Variants in CALCR observed in about 807,000 individuals in gnomAD.
The protein encoded by CALCR is calcitonin receptor.
Under a neutral mutation model 59.5 loss-of-function variants are expected in CALCR, and 47 were observed. That is an observed-to-expected ratio of 0.79 (90% CI 0.63 to 1.01). The LOEUF is 1.01. Ranked by LOEUF, CALCR falls within the 50% of genes least tolerant of loss-of-function variation. The pLI is 0.00. For missense variants in CALCR, 566 were observed against 597.1 expected (o/e 0.95, Z 0.54); for synonymous variants, 213 against 211.3 (o/e 1.01, Z -0.07).
intron 8 of CALCR, among the ~76,000 whole-genome samples, chr7:93,444,479 G>A (rs767261144): frequency 2.6e-5 from 4 of 152,116 alleles, no homozygotes; most frequent in Non-Finnish European, 4.4e-5. Context: ...CCTGGAATAG[G>A]ATTTTTCATC....
At chr7:93,473,798 G>A (rs758581040) in intron 5 of CALCR, among the ~76,000 whole-genome samples, 18 of 151,596 alleles carry the variant, frequency 1.2e-4, no homozygotes, top group Middle Eastern at 6.3e-3. Flanking sequence ...GCTTTGTGGT[G>A]TCTGCTGGTT....
intron 2 of CALCR, among the ~76,000 whole-genome samples, chr7:93,568,209 C>T (rs911447047): frequency 5.3e-5 from 8 of 152,200 alleles, no homozygotes; most frequent in African/African-American, 9.6e-5. Context: ...GGGGATTAAA[C>T]GCTGTCCAGG....
intron 8 of CALCR, among the ~76,000 whole-genome samples, chr7:93,446,245 T>C (rs1800004475): frequency 6.6e-6 from 1 of 152,032 alleles, no homozygotes; most frequent in Non-Finnish European, 1.5e-5. Context: ...ATCACCAGTC[T>C]ATTCATTTTT....
chr7:93,514,383 T>C (rs551958109), intron 2 of CALCR, among the ~76,000 whole-genome samples: 67 of 152,170 alleles, frequency 4.4e-4, no homozygotes, highest in Admixed American at 3.7e-3. Flanking sequence ...AGGGCTAATA[T>C]TGAGCTCTAA....
chr7:93,549,161 C>T (rs2116220313), intron 2 of CALCR, among the ~76,000 whole-genome samples: 2 of 152,192 alleles, frequency 1.3e-5, no homozygotes, highest in South Asian at 4.2e-4. Flanking sequence ...TTTGTGACTT[C>T]ATGTTCTCAT....
At position 93,445,125 on chromosome 7, in the gene CALCR, A is replaced by C. The variant is rs527309308; in HGVS notation, c.649-1368T>G. Among the ~76,000 whole-genome samples the C allele has an allele frequency of 1.2e-3, 189 of 152,222 alleles. 3 individuals are homozygous for C. The highest frequency in any genetic ancestry group is 6.2e-3 in the Admixed American group (94 of 15,268). On this transcript the variant is annotated intron_variant, in intron 8 of 13. Transcript: ENST00000426151. ...AACCTCTGATTCTGACCAAAGTGGT[A>C]CAGTGGTGCAGATAATTAAAAACAC...
chr7:93,570,319 A>C (rs997062934), intron 2 of CALCR, among the ~76,000 whole-genome samples: 2 of 152,196 alleles, frequency 1.3e-5, no homozygotes, highest in Non-Finnish European at 2.9e-5. Context: ...ATGTGACTGA[A>C]TATTAGGAGA....
In CALCR at chr7:93,509,787, C is replaced by T. The variant is rs867474647; in HGVS notation, c.-26-22780G>A. Among the ~76,000 whole-genome samples the T allele has an allele frequency of 1.2e-4, 18 of 152,100 alleles. No homozygotes were observed. In the Middle Eastern group the frequency reaches 0.01, roughly 86 times the overall value. On this transcript the variant is annotated intron_variant, in intron 2 of 13. Transcript: ENST00000426151. ...CAAATAAATTATATATATGACAATA[C>T]TATATTATGAAAATCTAAATACAGA...
chr7:93,493,834 C>T (rs1801138119), intron 2 of CALCR, among the ~76,000 whole-genome samples: 1 of 151,296 alleles, frequency 6.6e-6, no homozygotes, highest in South Asian at 2.1e-4. Context: ...TAATTTGTGT[C>T]TTTCTTGTTG....
At chr7:93,508,414 T>A (rs1801475111) in intron 2 of CALCR, among the ~76,000 whole-genome samples, 1 of 152,064 alleles carries the variant, frequency 6.6e-6, no homozygotes, top group Admixed American at 6.5e-5. Context: ...TTAAACAAAT[T>A]TTTTTTTAAT....
chr7:93,435,024 C>T (rs1217093915), intron 12 of CALCR, among the ~76,000 whole-genome samples: 1 of 152,182 alleles, frequency 6.6e-6, no homozygotes, highest in Non-Finnish European at 1.5e-5. Flanking sequence ...CTCCCACATC[C>T]TATCTTGCTA....
chr7:93,514,806 T>A (rs1274093226), intron 2 of CALCR, among the ~76,000 whole-genome samples: 2 of 152,062 alleles, frequency 1.3e-5, no homozygotes, highest in Non-Finnish European at 2.9e-5. Flanking sequence ...ATCCTAAAAG[T>A]TCTATTATTC....
intron 2 of CALCR, among the ~76,000 whole-genome samples, chr7:93,512,288 T>A (rs958957257): frequency 6.6e-6 from 1 of 152,154 alleles, no homozygotes; most frequent in East Asian, 1.9e-4. Context: ...GTACGTTGCA[T>A]CTTCATTTTA....
At chr7:93,461,041 A>T (rs1397843529) in intron 7 of CALCR, 94 bp from the exon 8 acceptor site, 42 of 1,051,592 alleles carry the variant, frequency 4.0e-5, no homozygotes, top group East Asian at 8.5e-5. Flanking sequence ...TATTTTCTTT[A>T]AAAAAAAGAT....
At chr7:93,462,991 T>C (rs948496964) in intron 7 of CALCR, among the ~76,000 whole-genome samples, 2 of 150,386 alleles carry the variant, frequency 1.3e-5, no homozygotes, top group African/African-American at 5.0e-5. Flanking sequence ...TCATTGGGCT[T>C]AATACCCATT....
rs565995790 is a variant in CALCR, at chr7:93,455,326, A to T, written c.648+5495T>A. Among the ~76,000 whole-genome samples the T allele has an allele frequency of 3.9e-5, 6 of 152,044 alleles. No individual in the cohort carries two copies. In the South Asian group the frequency reaches 1.2e-3, roughly 32 times the overall value. On this transcript the variant is annotated intron_variant, in intron 8 of 13. Coordinates refer to ENST00000426151, the MANE Select transcript of CALCR (RefSeq NM_001742.4). ...TAACTGTGGTTGTCGTTCTCATATTAGTTGCAATTTCAATAAATATTTGTA... is the reference window on the plus strand; with the variant it reads ...TAACTGTGGTTGTCGTTCTCATATTTGTTGCAATTTCAATAAATATTTGTA...
chr7:93,436,739 G>C (rs1214581563), intron 11 of CALCR, among the ~76,000 whole-genome samples: 9 of 151,990 alleles, frequency 5.9e-5, no homozygotes, highest in Admixed American at 2.6e-4. Context: ...TTTTTGGGGG[G>C]CCTCTATTGT....
intron 2 of CALCR, among the ~76,000 whole-genome samples, chr7:93,512,538 CTT>C (rs1437414568): frequency 6.6e-6 from 1 of 152,070 alleles, no homozygotes; most frequent in Non-Finnish European, 1.5e-5. Context: ...TAAGATGAGA[CTT>C]TTGTAAAGTT....
rs1400363985 is a variant in CALCR at position 93,488,294 on chromosome 7, C to A, written c.-26-1287G>T. Among the ~76,000 whole-genome samples the A allele has an allele frequency of 5.9e-5, 9 of 151,746 alleles. No homozygotes were observed. In the South Asian group the frequency reaches 1.2e-3, roughly 21 times the overall value. ...GGAAAGGAAAAACCAGTACCAGCCA[C>A]TGCAAAAACACACCAAAATATAAAA... is the stretch of plus-strand genomic sequence containing the variant. On this transcript the variant is annotated intron_variant, in intron 2 of 13. Coordinates refer to ENST00000426151, the MANE Select transcript of CALCR (RefSeq NM_001742.4).
Sources: gnomAD v4.1 joint callset for allele counts (sites outside exome capture counted in the v4.1 genomes callset) on GRCh38, gnomAD v4.1.1 for gene constraint, MANE v1.5 for transcripts, NCBI Gene and HGNC (gene_info 2026-07-23, HGNC 2026-07-21) for gene names.